Variants in JAKMIP2 observed in about 807,000 individuals in gnomAD.
JAKMIP2 encodes janus kinase and microtubule-interacting protein 2.
A neutral mutation model predicts 115.0 loss-of-function variants in JAKMIP2; 25 were observed. The observed-to-expected ratio is 0.22, with a 90% CI of 0.16 to 0.30. The LOEUF (loss-of-function observed/expected upper bound fraction) is 0.30, where lower values mean the gene tolerates loss of function less well. JAKMIP2 is among the 10% of genes least tolerant of loss of function. The pLI is 1.00. For synonymous variants in JAKMIP2, 334 were observed against 343.6 expected (o/e 0.97, Z 0.31); for missense variants, 642 against 957.6 (o/e 0.67, Z 4.35).
At position 147,587,913 on chromosome 5, in the gene JAKMIP2, A is replaced by G. The variant is rs1275839854; in HGVS notation, c.*3794T>C. 2 of 151,806 alleles carry G rather than the reference A, an allele frequency of 1.3e-5. No homozygotes were observed. The highest frequency in any genetic ancestry group is 2.4e-5 in the African/African-American group (1 of 41,380). 9.4% of individuals were successfully genotyped at this position (151,806 alleles called of 1,614,324 possible). A position where few individuals can be genotyped will look rare whatever the true frequency, so the allele number is the denominator to read the frequency against. On this transcript the variant is annotated 3_prime_UTR_variant, in exon 22 of 22. Transcript: ENST00000616793. ...CTCTACCTTATGGACTTGGGAAGAC[A>G]CATACAACCTGTATGAGCAGTTATT...
chr5:147,631,488 T>TG lies in JAKMIP2; in HGVS notation c.1799dup (p.Phe601IlefsTer2). On this transcript the variant is annotated frameshift_variant, in exon 14 of 22. Coordinates refer to ENST00000616793, the MANE Select transcript of JAKMIP2 (RefSeq NM_001270941.2). LOFTEE classifies it high-confidence loss of function. ...AGAATGGGTGAATTTGGAGATTAAA[T>TG]GGAGGGGATCGTCTCTCTCTCTCCT... 6.2e-7 allele frequency: 1 copy of TG among 1,610,716 alleles called. No individual in the cohort carries two copies. The highest frequency in any genetic ancestry group is 8.5e-7 in the Non-Finnish European group (1 of 1,177,062).
chr5:147,663,414 A>G (rs569645818), intron 2 of JAKMIP2, among the ~76,000 whole-genome samples: 1 of 152,198 alleles, frequency 6.6e-6, no homozygotes, highest in Non-Finnish European at 1.5e-5. Context: ...CTCAGCCTAC[A>G]TCTTTCTCTT....
At chr5:147,762,160 T>A (rs1754950901) in intron 1 of JAKMIP2, among the ~76,000 whole-genome samples, 1 of 152,166 alleles carries the variant, frequency 6.6e-6, no homozygotes, top group Non-Finnish European at 1.5e-5. Context: ...TATGCACACA[T>A]GCACAGATAA....
chr5:147,618,712 G>T lies in JAKMIP2; in HGVS notation c.2143-598C>A, dbSNP rs183327338. Among the ~76,000 whole-genome samples the T allele has an allele frequency of 3.3e-5, 5 of 152,288 alleles. No individual in the cohort carries two copies. The East Asian group carries it at 9.7e-4, about 29-fold the overall frequency. ...GAGATCACGCATTGCACTCTGGTCT[G>T]TGCAACAAGAGTGAAACTCCATCTC... On this transcript the variant is annotated intron_variant, in intron 18 of 21. Transcript: ENST00000616793.
At chr5:147,703,592 C>CT (rs543400413) in intron 1 of JAKMIP2, among the ~76,000 whole-genome samples, 32,824 of 139,468 alleles carry the variant, frequency 0.24, 3,884 homozygotes, top group East Asian at 0.41. Context: ...CGTACTGTAA[C>CT]TTTTTTTTTT....
chr5:147,738,940 C>T (rs535674425), intron 1 of JAKMIP2, among the ~76,000 whole-genome samples: 34 of 152,194 alleles, frequency 2.2e-4, no homozygotes, highest in African/African-American at 7.7e-4. Flanking sequence ...AGTTTCATAA[C>T]CCTTGGGCTC....
intron 21 of JAKMIP2, among the ~76,000 whole-genome samples, chr5:147,600,349 G>A (rs1755632768): frequency 6.6e-6 from 1 of 152,054 alleles, no homozygotes; most frequent in South Asian, 2.1e-4. Context: ...TATATTTTCT[G>A]AGCATATCTA....
intron 1 of JAKMIP2, among the ~76,000 whole-genome samples, chr5:147,765,781 T>G (rs1040790922): frequency 1.3e-5 from 2 of 152,164 alleles, no homozygotes; most frequent in Non-Finnish European, 2.9e-5. Context: ...TTTTATATTT[T>G]TATATTTCCT....
chr5:147,605,370 C>A (rs980725196), intron 20 of JAKMIP2, among the ~76,000 whole-genome samples: 1 of 151,930 alleles, frequency 6.6e-6, no homozygotes, highest in African/African-American at 2.4e-5. Flanking sequence ...CCACCTCACC[C>A]GGCTAATTTT....
intron 1 of JAKMIP2, among the ~76,000 whole-genome samples, chr5:147,727,562 C>T (rs555170527): frequency 1.3e-5 from 2 of 152,248 alleles, no homozygotes; most frequent in South Asian, 4.1e-4. Flanking sequence ...GAGAACTTAC[C>T]GTCATGAGAA....
Position 147,629,683 on chromosome 5 carries a change from C to T in JAKMIP2, c.1929+10G>A. The T allele has an allele frequency of 3.7e-6, 6 of 1,605,220 alleles. No homozygotes were observed. The highest frequency in any genetic ancestry group is 5.1e-6 in the Non-Finnish European group (6 of 1,173,456). On this transcript the variant is annotated intron_variant, in intron 15 of 21. Transcript: ENST00000616793. ...AATTCATATCTATACTAAATCAATTCTTTACTTACCCCATTATCACCCAAG... is the reference window on the plus strand; with the variant it reads ...AATTCATATCTATACTAAATCAATTTTTTACTTACCCCATTATCACCCAAG...
chr5:147,603,701 T>C (rs529423259), intron 20 of JAKMIP2, among the ~76,000 whole-genome samples: 2 of 152,338 alleles, frequency 1.3e-5, no homozygotes, highest in Admixed American at 6.5e-5. Context: ...AGGTTGATAA[T>C]TAGATCCTTA....
chr5:147,601,663 G>T, intron 21 of JAKMIP2, 78 bp downstream of exon 21: 3 of 866,774 alleles, frequency 3.5e-6, no homozygotes, highest in Non-Finnish European at 5.1e-6. Context: ...ACTAAAGAAA[G>T]GCATAGTAAC....
At chr5:147,710,275 A>G (rs1390205155) in intron 1 of JAKMIP2, among the ~76,000 whole-genome samples, 1 of 152,222 alleles carries the variant, frequency 6.6e-6, no homozygotes, top group African/African-American at 2.4e-5. Context: ...AAATTTTTTC[A>G]TATTATAAAT....
intron 1 of JAKMIP2, among the ~76,000 whole-genome samples, chr5:147,697,218 C>T (rs185528151): frequency 6.6e-6 from 1 of 152,168 alleles, no homozygotes; most frequent in East Asian, 1.9e-4. Context: ...GTGAAAGGCA[C>T]TTCTTACATG....
At position 147,661,433 on chromosome 5, in the gene JAKMIP2, C is replaced by G; in HGVS notation, c.142G>C (p.Glu48Gln). ...TTCGCTTCTTGAGTCTTCTCTCTTTCAAGCTTTGATACCTAAAAACAGAGA... is the reference window on the plus strand; with the variant it reads ...TTCGCTTCTTGAGTCTTCTCTCTTTGAAGCTTTGATACCTAAAAACAGAGA... ...HQEKSKVSKL[E>Q]REKTQEAKRI... Residue 48 changes from glutamate to glutamine, a missense_variant, in exon 3 of 22, where the codon GAA becomes CAA. Physicochemically the swap from Glu to Gln is conservative, Grantham distance 29. Around this residue, in one of 6 missense-constraint regions of JAKMIP2, gnomAD observed 439 missense variants for 570.9 expected, o/e 0.77. Coordinates refer to ENST00000616793, the MANE Select transcript of JAKMIP2 (RefSeq NM_001270941.2). 1.9e-6 allele frequency: 3 copies of G among 1,611,102 alleles called. No individual in the cohort carries two copies. Among genetic ancestry groups the G allele is most frequent in the Non-Finnish European group, 2.5e-6 (3 of 1,178,984 alleles).
At chr5:147,682,776 GCT>G (rs1341283610) in intron 1 of JAKMIP2, among the ~76,000 whole-genome samples, 2 of 152,148 alleles carry the variant, frequency 1.3e-5, no homozygotes, top group Non-Finnish European at 2.9e-5. Flanking sequence ...AAAAGTTAAA[GCT>G]TGATGTAACA....
At chr5:147,770,877 G>A (rs1755325681) in intron 1 of JAKMIP2, among the ~76,000 whole-genome samples, 2 of 152,002 alleles carry the variant, frequency 1.3e-5, no homozygotes, top group South Asian at 4.1e-4. Flanking sequence ...TTACACTGTA[G>A]AAATACACAG....
chr5:147,742,935 T>C (rs1318236626), intron 1 of JAKMIP2, among the ~76,000 whole-genome samples: 2 of 152,220 alleles, frequency 1.3e-5, no homozygotes, highest in Non-Finnish European at 2.9e-5. Context: ...ATTTACAGCA[T>C]TGGAAACCTG....
Sources: allele counts gnomAD v4.1 joint callset (sites outside exome capture counted in the v4.1 genomes callset), GRCh38; gene constraint gnomAD v4.1.1; regional missense constraint gnomAD v4.1.1; transcripts MANE v1.5; gene names NCBI Gene and HGNC (gene_info 2026-07-23, HGNC 2026-07-21).